The following BCAS3 variants were observed in gnomAD, a reference collection of about 807,000 sequenced individuals.
BCAS3 encodes BCAS4/BCAS3 fusion.
Under a neutral mutation model 116.1 loss-of-function variants are expected in BCAS3, and 53 were observed. The observed-to-expected ratio is 0.46, with a 90% CI of 0.37 to 0.57. The LOEUF (loss-of-function observed/expected upper bound fraction) is 0.57, where lower values mean the gene tolerates loss of function less well. BCAS3 is among the 20% of genes least tolerant of loss of function. The pLI is 0.00. For missense variants in BCAS3, 917 were observed against 1,165.4 expected (o/e 0.79, Z 3.10); for synonymous variants, 391 against 408.2 (o/e 0.96, Z 0.51).
At chr17:60,783,233 C>T (rs2045983101) in intron 6 of BCAS3, among the ~76,000 whole-genome samples, 1 of 152,108 alleles carries the variant, frequency 6.6e-6, no homozygotes, top group South Asian at 2.1e-4. Flanking sequence ...TTGAGACAGT[C>T]TTGCTCTTTT....
In BCAS3 at chr17:61,122,806, A is replaced by G. The variant is rs562331331; in HGVS notation, c.2425+38242A>G. Among the ~76,000 whole-genome samples the G allele has an allele frequency of 6.6e-6, 1 of 152,258 alleles. No individual in the cohort carries two copies. Among genetic ancestry groups the G allele is most frequent in the Non-Finnish European group, 1.5e-5 (1 of 68,052 alleles). On this transcript the variant is annotated intron_variant, in intron 22 of 23. Transcript: ENST00000407086. This position sits in a 1 kb window ranked among gnomAD's most constrained non-coding sequence, Gnocchi z 4.6. ...TTCATATATTTAGCATCTGTTGTCA[A>G]TACAGCAATGTAAGCTGATGGCTAT...
chr17:60,792,695 T>C (rs1598749733), intron 6 of BCAS3, among the ~76,000 whole-genome samples: 1 of 152,064 alleles, frequency 6.6e-6, no homozygotes, highest in Non-Finnish European at 1.5e-5. Context: ...AAAAAGAACC[T>C]CCCCAGCCGT....
chr17:60,711,277 C>T (rs1383817712), intron 5 of BCAS3, among the ~76,000 whole-genome samples: 1 of 151,632 alleles, frequency 6.6e-6, no homozygotes, highest in African/African-American at 2.4e-5. Flanking sequence ...TTCAAGGTCC[C>T]TCAATGTTCT....
chr17:60,777,540 C>T (rs556895138), intron 6 of BCAS3, among the ~76,000 whole-genome samples: 172 of 152,170 alleles, frequency 1.1e-3, no homozygotes, highest in Non-Finnish European at 2.2e-3. Context: ...GCATGAAAAT[C>T]GCTTGAATCC....
At chr17:60,975,366 T>C (rs1343319613) in intron 14 of BCAS3, among the ~76,000 whole-genome samples, 1 of 152,218 alleles carries the variant, frequency 6.6e-6, no homozygotes, top group Non-Finnish European at 1.5e-5. Flanking sequence ...ATAAAAATGC[T>C]CGTTTAGGCT....
intron 13 of BCAS3, among the ~76,000 whole-genome samples, chr17:60,926,657 G>A (rs532595490): frequency 6.6e-6 from 1 of 152,190 alleles, no homozygotes; most frequent in Non-Finnish European, 1.5e-5. Flanking sequence ...GGAATGACCG[G>A]TATGACTCAT....
At chr17:60,999,573 A>AAG (rs373484561) in intron 15 of BCAS3, among the ~76,000 whole-genome samples, 53 of 138,120 alleles carry the variant, frequency 3.8e-4, no homozygotes, top group African/African-American at 1.8e-3. Context: ...AAGAAAAAGA[A>AAG]AAAGAAATGT....
chr17:61,314,120 C>T (rs112140610), intron 22 of BCAS3, among the ~76,000 whole-genome samples: 5,788 of 152,292 alleles, frequency 0.038, 374 homozygotes, highest in African/African-American at 0.13. Flanking sequence ...CTTTAGAAAC[C>T]GAGGCACACA....
chr17:61,095,892 T>G lies in BCAS3; in HGVS notation c.2425+11328T>G, dbSNP rs565313918. 3.7e-4 allele frequency among the ~76,000 whole-genome samples: 57 copies of G among 152,222 alleles called. No homozygotes were observed. The highest frequency in any genetic ancestry group is 1.3e-3 in the African/African-American group (56 of 41,520). On this transcript the variant is annotated intron_variant, in intron 22 of 23. Transcript: ENST00000407086. The surrounding 1 kb of genome is among the most constrained non-coding windows in gnomAD (Gnocchi z 4.7). ...ACACACATTAAATTACTAGTTTGTT[T>G]GTTTATTTCTACAGAAATTCAGATG...
intron 13 of BCAS3, among the ~76,000 whole-genome samples, chr17:60,943,610 T>C (rs894466113): frequency 6.6e-6 from 1 of 152,068 alleles, no homozygotes. Flanking sequence ...ACAATTATCC[T>C]TGGAGACTGT....
rs914176080 is a variant in BCAS3, at chr17:61,088,199, C to T, written c.2425+3635C>T. On this transcript the variant is annotated intron_variant, in intron 22 of 23. Coordinates refer to ENST00000407086, the MANE Select transcript of BCAS3 (RefSeq NM_017679.5). This position sits in a 1 kb window ranked among gnomAD's most constrained non-coding sequence, Gnocchi z 4.2. ...TCTGTCTCAAAAAGACAAAACAAAA[C>T]GAAACAAAACAAAAACCATCCTACC... Among the ~76,000 whole-genome samples the T allele has an allele frequency of 6.6e-5, 10 of 151,982 alleles. No individual in the cohort carries two copies. Among genetic ancestry groups the T allele is most frequent in the South Asian group, 4.1e-4 (2 of 4,820 alleles).
rs1568578190 is a variant in BCAS3, at chr17:61,208,704, A to G, written c.2425+124140A>G. Among the ~76,000 whole-genome samples the G allele has an allele frequency of 6.6e-6, 1 of 152,140 alleles. No homozygotes were observed. Among genetic ancestry groups the G allele is most frequent in the Non-Finnish European group, 1.5e-5 (1 of 68,032 alleles). On this transcript the variant is annotated intron_variant, in intron 22 of 23. Transcript: ENST00000407086. The surrounding 1 kb of genome is among the most constrained non-coding windows in gnomAD (Gnocchi z 4.5). ...AGAGCCTCAGACACATTTTGTTCCC[A>G]AACAGAATTAGAAGGAAAAGGTCTG...
rs1305740926 is a variant in BCAS3 at position 61,134,789 on chromosome 17, C to T, written c.2425+50225C>T. Among the ~76,000 whole-genome samples, 1 of 152,126 alleles carries T rather than the reference C, an allele frequency of 6.6e-6. No individual in the cohort carries two copies. The highest frequency in any genetic ancestry group is 1.9e-4 in the East Asian group (1 of 5,194). On this transcript the variant is annotated intron_variant, in intron 22 of 23. Coordinates refer to ENST00000407086, the MANE Select transcript of BCAS3 (RefSeq NM_017679.5). The surrounding 1 kb of genome is among the most constrained non-coding windows in gnomAD (Gnocchi z 4.6). Reference sequence around the variant, plus strand: ...AAAGTTAAGTAACATCTCCAAATCACAGAACTAGAATTATTCATGAAGAGT... The same window carrying T: ...AAAGTTAAGTAACATCTCCAAATCATAGAACTAGAATTATTCATGAAGAGT...
intron 7 of BCAS3, among the ~76,000 whole-genome samples, chr17:60,829,158 T>TA (rs1222583666): frequency 2.0e-5 from 3 of 151,812 alleles, no homozygotes; most frequent in Non-Finnish European, 4.4e-5. Context: ...AGTGAAACAG[T>TA]AAAAAAATAA....
chr17:60,968,815 G>A (rs2061795515), intron 14 of BCAS3, among the ~76,000 whole-genome samples: 1 of 152,162 alleles, frequency 6.6e-6, no homozygotes, highest in African/African-American at 2.4e-5. Flanking sequence ...CAGGGCTAGG[G>A]ATGGTAGTCT....
chr17:61,014,976 G>T (rs187996686), intron 15 of BCAS3, among the ~76,000 whole-genome samples: 4 of 152,250 alleles, frequency 2.6e-5, no homozygotes, highest in Admixed American at 6.5e-5. Flanking sequence ...AACATTGAAA[G>T]AAATTTAAGA....
At chr17:60,783,984 G>A (rs1291808429) in intron 6 of BCAS3, among the ~76,000 whole-genome samples, 1 of 152,126 alleles carries the variant, frequency 6.6e-6, no homozygotes, top group African/African-American at 2.4e-5. Context: ...ATGAGATGTG[G>A]CTGGCCAAAC....
intron 14 of BCAS3, among the ~76,000 whole-genome samples, chr17:60,985,500 A>G (rs888592834): frequency 5.3e-5 from 8 of 152,266 alleles, no homozygotes; most frequent in Non-Finnish European, 7.4e-5. Flanking sequence ...ATTATTGACT[A>G]TAGTCACCTT....
chr17:60,987,365 A>G (rs1214435491), intron 14 of BCAS3, among the ~76,000 whole-genome samples: 1 of 106,790 alleles, frequency 9.4e-6, no homozygotes, highest in African/African-American at 3.6e-5. Context: ...TTTTTTTTCT[A>G]TTTCTGTAAA....
Sources: gnomAD v4.1 joint callset for allele counts (sites outside exome capture counted in the v4.1 genomes callset) on GRCh38, gnomAD v4.1.1 for gene constraint, Gnocchi (gnomAD v3.1) non-coding constraint, MANE v1.5 for transcripts, NCBI Gene and HGNC (gene_info 2026-07-23, HGNC 2026-07-21) for gene names.